The following FCHSD2 variants were observed in gnomAD, a reference collection of about 807,000 sequenced individuals.
FCHSD2 encodes the protein F-BAR and double SH3 domains protein 2.
Under a neutral mutation model 108.1 loss-of-function variants are expected in FCHSD2, and 38 were observed. That is an observed-to-expected ratio of 0.35 (90% CI 0.27 to 0.46). The LOEUF is 0.46. Among genes scored for constraint, FCHSD2 ranks in the 20% least tolerant of loss-of-function variants. The pLI is 1.00. For missense variants in FCHSD2, 751 were observed against 897.8 expected (o/e 0.84, Z 2.09); for synonymous variants, 279 against 314.7 (o/e 0.89, Z 1.20).
intron 12 of FCHSD2, among the ~76,000 whole-genome samples, chr11:72,880,222 G>A (rs543268216): frequency 6.6e-6 from 1 of 152,084 alleles, no homozygotes; most frequent in South Asian, 2.1e-4. Context: ...GAATCCATGT[G>A]CAATTGCTAT....
intron 8 of FCHSD2, among the ~76,000 whole-genome samples, chr11:72,951,060 G>C (rs1319747037): frequency 6.6e-6 from 1 of 152,228 alleles, no homozygotes; most frequent in Non-Finnish European, 1.5e-5. Flanking sequence ...GCCAGGCCAT[G>C]AGAGAAAGTG....
chr11:72,857,469 A>C (rs1861455549), intron 13 of FCHSD2, among the ~76,000 whole-genome samples: 1 of 116,510 alleles, frequency 8.6e-6, no homozygotes. Flanking sequence ...ATGGAGTTTC[A>C]CTCTTGTCGC....
chr11:72,947,279 G>T (rs1432282441), intron 8 of FCHSD2, among the ~76,000 whole-genome samples: 2 of 152,210 alleles, frequency 1.3e-5, no homozygotes, highest in Non-Finnish European at 2.9e-5. Context: ...CACAAGAGAA[G>T]TTTGAACTCT....
At chr11:73,095,910 T>G (rs1319061866) in intron 2 of FCHSD2, among the ~76,000 whole-genome samples, 7 of 141,140 alleles carry the variant, frequency 5.0e-5, no homozygotes, top group African/African-American at 1.8e-4. Flanking sequence ...GGCTGAGGAT[T>G]AAAAAAAAAA....
rs763072917 is a variant in FCHSD2 at position 72,841,439 on chromosome 11, C to T, written c.2056+15G>A. ...GTGAAAATGCATTTAGACCCATGCC[C>T]AGGAGAACCCTTACCGTTTGCTGAA... On this transcript the variant is annotated intron_variant, in intron 18 of 19. Coordinates refer to ENST00000409418, the MANE Select transcript of FCHSD2 (RefSeq NM_014824.3). 1.2e-6 allele frequency: 2 copies of T among 1,609,556 alleles called. No individual in the cohort carries two copies. The highest frequency in any genetic ancestry group is 1.3e-5 in the African/African-American group (1 of 74,698).
At chr11:72,920,923 C>T (rs1261627653) in intron 9 of FCHSD2, among the ~76,000 whole-genome samples, 1 of 152,104 alleles carries the variant, frequency 6.6e-6, no homozygotes, top group Non-Finnish European at 1.5e-5. Flanking sequence ...GAATTGAGAG[C>T]TCTGGTACAG....
chr11:72,841,608 C>G (rs1860952143), intron 17 of FCHSD2, 25 bp from the exon 18 acceptor site: 2 of 1,569,040 alleles, frequency 1.3e-6, no homozygotes, highest in Non-Finnish European at 8.6e-7. Flanking sequence ...AGCGAGGTTA[C>G]CCGGTGCTCC....
At chr11:73,023,963 A>C (rs1310436964) in intron 3 of FCHSD2, among the ~76,000 whole-genome samples, 1 of 152,188 alleles carries the variant, frequency 6.6e-6, no homozygotes, top group East Asian at 1.9e-4. Flanking sequence ...CAATTGATAG[A>C]GAAAACAGAT....
intron 3 of FCHSD2, among the ~76,000 whole-genome samples, chr11:73,075,402 T>C (rs1391372732): frequency 6.6e-6 from 1 of 152,200 alleles, no homozygotes; most frequent in Non-Finnish European, 1.5e-5. Flanking sequence ...GCCACTACAA[T>C]TGTTATTATC....
At chr11:72,874,404 G>C (rs1387228384) in intron 12 of FCHSD2, among the ~76,000 whole-genome samples, 1 of 152,110 alleles carries the variant, frequency 6.6e-6, no homozygotes, top group African/African-American at 2.4e-5. Context: ...TGCCTAGGCT[G>C]GTCTTGAACT....
chr11:72,907,317 C>A (rs1245391612), intron 9 of FCHSD2, among the ~76,000 whole-genome samples: 1 of 152,116 alleles, frequency 6.6e-6, no homozygotes, highest in African/African-American at 2.4e-5. Context: ...TAATTGAATA[C>A]CCTTTATTTC....
At chr11:73,108,146 ATT>A (rs1302272490) in intron 2 of FCHSD2, among the ~76,000 whole-genome samples, 1 of 152,180 alleles carries the variant, frequency 6.6e-6, no homozygotes, top group Non-Finnish European at 1.5e-5. Flanking sequence ...TTTGATATGC[ATT>A]TCTCTGATGA....
chr11:73,055,343 G>GA (rs11299720), intron 3 of FCHSD2, among the ~76,000 whole-genome samples: 19 of 144,760 alleles, frequency 1.3e-4, no homozygotes, highest in South Asian at 2.2e-4. Context: ...ACCCTGTCTC[G>GA]AAAAAAAAAA....
rs551040655 is a variant in FCHSD2, at chr11:72,838,802, T to G, written c.2212A>C (p.Thr738Pro). The G allele has an allele frequency of 6.2e-7, 1 of 1,603,274 alleles. No homozygotes were observed. Among genetic ancestry groups the G allele is most frequent in the Non-Finnish European group, 8.5e-7 (1 of 1,176,042 alleles). ...PAEKIEDVEI[T>P]LV ...GGGCAAGCCCATCATCACACCAGTG[T>G]GATTTCCACATCTTCAATCTTCTCT... The change falls in exon 20 of 20, where the codon ACA becomes CCA. Residue 738 changes from threonine (T) to proline (P), a missense_variant. Coordinates refer to ENST00000409418, the MANE Select transcript of FCHSD2 (RefSeq NM_014824.3).
chr11:72,948,369 G>T (rs1379393610), intron 8 of FCHSD2, among the ~76,000 whole-genome samples: 1 of 152,020 alleles, frequency 6.6e-6, no homozygotes, highest in Non-Finnish European at 1.5e-5. Flanking sequence ...CAAAATTACT[G>T]AATGTTTCAT....
chr11:72,951,784 C>T (rs562438789), intron 8 of FCHSD2, among the ~76,000 whole-genome samples: 1 of 152,210 alleles, frequency 6.6e-6, no homozygotes, highest in South Asian at 2.1e-4. Context: ...TTGAGGTTTA[C>T]CCTTTCACAA....
intron 2 of FCHSD2, among the ~76,000 whole-genome samples, chr11:73,138,695 GCCTA>G (rs1332949092): frequency 6.9e-6 from 1 of 145,220 alleles, no homozygotes; most frequent in Non-Finnish European, 1.5e-5. Flanking sequence ...TGCAACCTCC[GCCTA>G]CTAGGTTCAA....
At chr11:72,968,571 T>C (rs1157958980) in intron 8 of FCHSD2, among the ~76,000 whole-genome samples, 1 of 152,246 alleles carries the variant, frequency 6.6e-6, no homozygotes, top group African/African-American at 2.4e-5. Flanking sequence ...TGCCAAATAA[T>C]ACATATTTCC....
At chr11:72,903,601 C>T (rs949844732) in intron 9 of FCHSD2, among the ~76,000 whole-genome samples, 2 of 151,956 alleles carry the variant, frequency 1.3e-5, no homozygotes, top group African/African-American at 4.8e-5. Context: ...GAATTCATTG[C>T]ATTTACATAC....
Sources: allele counts gnomAD v4.1 joint callset (sites outside exome capture counted in the v4.1 genomes callset), GRCh38; gene constraint gnomAD v4.1.1; transcripts MANE v1.5; gene names NCBI Gene and HGNC (gene_info 2026-07-23, HGNC 2026-07-21).